The following TMEM108 variants were observed in gnomAD, a reference collection of about 807,000 sequenced individuals.
TMEM108 encodes the protein transmembrane protein 108, also known as cancer/testis antigen 124.
In TMEM108, 12 loss-of-function variants were observed where a neutral mutation model predicts 35.1. The observed-to-expected ratio is 0.34, with a 90% CI of 0.22 to 0.55. The LOEUF is 0.55. Among genes scored for constraint, TMEM108 ranks in the 20% least tolerant of loss-of-function variants. The pLI is 0.89. For missense variants in TMEM108, 680 were observed against 753.3 expected (o/e 0.90, Z 1.14); for synonymous variants, 287 against 308.6 (o/e 0.93, Z 0.73).
intron 3 of TMEM108, among the ~76,000 whole-genome samples, chr3:133,373,045 A>G (rs2072722266): frequency 6.6e-6 from 1 of 152,214 alleles, no homozygotes; most frequent in African/African-American, 2.4e-5. Flanking sequence ...GATGGACCAT[A>G]CTAGAACACT....
At chr3:133,113,688 G>A (rs1227755164) in intron 2 of TMEM108, among the ~76,000 whole-genome samples, 1 of 152,138 alleles carries the variant, frequency 6.6e-6, no homozygotes, top group Non-Finnish European at 1.5e-5. Flanking sequence ...CTACCCTTGA[G>A]TTGAGCCAAA....
chr3:133,174,368 C>A (rs1433354427), intron 2 of TMEM108, among the ~76,000 whole-genome samples: 1 of 152,204 alleles, frequency 6.6e-6, no homozygotes, highest in Admixed American at 6.5e-5. Context: ...TGAGAATGGG[C>A]AGACTGCCTC....
chr3:133,175,723 A>G (rs977714083), intron 2 of TMEM108, among the ~76,000 whole-genome samples: 12 of 152,270 alleles, frequency 7.9e-5, no homozygotes, highest in Non-Finnish European at 7.3e-5. Context: ...AAAACATGCC[A>G]AATTGTAAAG....
At chr3:133,081,590 C>T (rs1040364136) in intron 2 of TMEM108, among the ~76,000 whole-genome samples, 11 of 152,320 alleles carry the variant, frequency 7.2e-5, no homozygotes, top group Admixed American at 1.3e-4. Context: ...CATTTCCCTG[C>T]AGGCCAGAAT....
chr3:133,224,261 TCTGA>T (rs1395702613), intron 2 of TMEM108, among the ~76,000 whole-genome samples: 1 of 152,216 alleles, frequency 6.6e-6, no homozygotes, highest in Non-Finnish European at 1.5e-5. Context: ...GGCTGCTGCC[TCTGA>T]CTGCTTGTGG....
chr3:133,170,706 C>CT (rs993793543), intron 2 of TMEM108, among the ~76,000 whole-genome samples: 4 of 151,610 alleles, frequency 2.6e-5, no homozygotes, highest in East Asian at 3.9e-4. Flanking sequence ...AAATACACTG[C>CT]TTTTTTTAAT....
At chr3:133,241,646 G>A (rs992641620) in intron 3 of TMEM108, among the ~76,000 whole-genome samples, 8 of 99,734 alleles carry the variant, frequency 8.0e-5, no homozygotes, top group African/African-American at 1.6e-4. Context: ...ACAGAATTTC[G>A]CTCTTTTTGT....
At chr3:133,176,363 A>G (rs1012430438) in intron 2 of TMEM108, among the ~76,000 whole-genome samples, 2 of 152,330 alleles carry the variant, frequency 1.3e-5, no homozygotes, top group African/African-American at 4.8e-5. Context: ...AATCAACAGA[A>G]TATACATTTT....
chr3:133,103,869 G>C (rs1305103207), intron 2 of TMEM108, among the ~76,000 whole-genome samples: 1 of 152,224 alleles, frequency 6.6e-6, no homozygotes, highest in Non-Finnish European at 1.5e-5. Flanking sequence ...AATGGAGAAA[G>C]TCATGACTTT....
rs181872906 is a variant in TMEM108, at chr3:133,354,860, G to A, written c.41-24892G>A. Among the ~76,000 whole-genome samples the A allele has an allele frequency of 7.3e-3, 1,064 of 144,978 alleles. 15 individuals carry two copies. The highest frequency in any genetic ancestry group is 8.2e-3 in the Non-Finnish European group (545 of 66,182). ...GGCTTTTTCCTTTACACATTCCTTT[G>A]GCATATGTACTAAGCACATGTTTAA... On this transcript the variant is annotated intron_variant, in intron 3 of 5. Coordinates refer to ENST00000321871, the MANE Select transcript of TMEM108 (RefSeq NM_023943.4).
chr3:133,172,028 C>T (rs1370085492), intron 2 of TMEM108, among the ~76,000 whole-genome samples: 1 of 152,184 alleles, frequency 6.6e-6, no homozygotes, highest in Non-Finnish European at 1.5e-5. Flanking sequence ...AGATTCTTTA[C>T]ATACTTTGAT....
chr3:133,339,771 A>T (rs1023617858), intron 3 of TMEM108, among the ~76,000 whole-genome samples: 10 of 151,976 alleles, frequency 6.6e-5, no homozygotes, highest in African/African-American at 2.2e-4. Context: ...CCACAATGGA[A>T]TAAAGCTAGA....
intron 3 of TMEM108, among the ~76,000 whole-genome samples, chr3:133,341,775 A>G (rs2071668408): frequency 6.6e-6 from 1 of 151,936 alleles, no homozygotes; most frequent in East Asian, 1.9e-4. Flanking sequence ...AGGAACATAC[A>G]TTGGAGAAAA....
intron 2 of TMEM108, among the ~76,000 whole-genome samples, chr3:133,049,783 C>T (rs967062925): frequency 6.6e-6 from 1 of 152,140 alleles, no homozygotes; most frequent in South Asian, 2.1e-4. Context: ...TCTTTTGATA[C>T]TGCCTAGAGC....
At chr3:133,072,382 C>G (rs958260264) in intron 2 of TMEM108, among the ~76,000 whole-genome samples, 1 of 151,956 alleles carries the variant, frequency 6.6e-6, no homozygotes, top group African/African-American at 2.4e-5. Flanking sequence ...ATGGGTTATT[C>G]TCTGTTTACC....
At chr3:133,235,841 C>T (rs1044450796) in intron 3 of TMEM108, among the ~76,000 whole-genome samples, 1 of 152,074 alleles carries the variant, frequency 6.6e-6, no homozygotes, top group African/African-American at 2.4e-5. Flanking sequence ...TTGACATGAT[C>T]AAGACTGCTT....
intron 3 of TMEM108, among the ~76,000 whole-genome samples, chr3:133,267,849 G>A (rs570455848): frequency 6.6e-6 from 1 of 152,208 alleles, no homozygotes; most frequent in Non-Finnish European, 1.5e-5. Flanking sequence ...TCTTCTCCCA[G>A]AGTGAATGAT....
chr3:133,216,280 T>G (rs916162791), intron 2 of TMEM108, among the ~76,000 whole-genome samples: 3 of 152,064 alleles, frequency 2.0e-5, no homozygotes, highest in African/African-American at 7.2e-5. Flanking sequence ...TATATGACTG[T>G]CCCACTTAAG....
intron 2 of TMEM108, among the ~76,000 whole-genome samples, chr3:133,186,408 C>G (rs984737610): frequency 3.9e-5 from 6 of 152,160 alleles, no homozygotes; most frequent in Non-Finnish European, 8.8e-5. Flanking sequence ...ATAATTTATT[C>G]CTTACTGTCC....
Sources: allele counts gnomAD v4.1 joint callset (sites outside exome capture counted in the v4.1 genomes callset), GRCh38; gene constraint gnomAD v4.1.1; transcripts MANE v1.5; gene names NCBI Gene and HGNC (gene_info 2026-07-23, HGNC 2026-07-21).